Variants in LINGO2 observed in about 807,000 individuals in gnomAD.
The protein encoded by LINGO2 is leucine rich repeat and Ig domain containing 2, also known as leucine-rich repeat and immunoglobulin-like domain-containing nogo receptor-interacting protein 2.
A neutral mutation model predicts 30.6 loss-of-function variants in LINGO2; 14 were observed. That is an observed-to-expected ratio of 0.46 (90% confidence interval 0.30 to 0.72). The LOEUF is 0.72. Ranked by LOEUF, LINGO2 falls within the 30% of genes least tolerant of loss-of-function variation. LINGO2 has a pLI of 0.07. For synonymous variants in LINGO2, 317 were observed against 288.5 expected, an observed-to-expected ratio of 1.10 and a Z score of -1.00; for missense variants, 729 against 751.7, an observed-to-expected ratio of 0.97 and a Z score of 0.35.
At chr9:28,380,519 C>G (rs751859666) in intron 2 of LINGO2, among the ~76,000 whole-genome samples, 6 of 151,244 alleles carry the variant, frequency 4.0e-5, no homozygotes, top group African/African-American at 1.2e-4. Flanking sequence ...ACAGAAGAGT[C>G]AAGTTCAGTG....
At chr9:28,290,537 G>A (rs1410269858) in intron 4 of LINGO2, among the ~76,000 whole-genome samples, 2 of 152,288 alleles carry the variant, frequency 1.3e-5, no homozygotes, top group African/African-American at 2.4e-5. Flanking sequence ...AAGGAAGAAG[G>A]CTTTAATTGG....
the LINGO2 span, among the ~76,000 whole-genome samples, chr9:29,102,036 A>C: frequency 6.6e-6 from 1 of 152,156 alleles, no homozygotes; most frequent in African/African-American, 2.4e-5. Flanking sequence ...TTCAGAGATA[A>C]AACTATCACA....
the LINGO2 span, among the ~76,000 whole-genome samples, chr9:28,759,013 T>A: frequency 6.6e-6 from 1 of 152,106 alleles, no homozygotes; most frequent in Non-Finnish European, 1.5e-5. Flanking sequence ...AACCTTTCAT[T>A]TATTTAAAGA....
At chr9:28,136,772 CAT>C (rs1563995536) in intron 4 of LINGO2, among the ~76,000 whole-genome samples, 1 of 152,124 alleles carries the variant, frequency 6.6e-6, no homozygotes, top group Non-Finnish European at 1.5e-5. Context: ...CTCAGATAAA[CAT>C]ATGGTTAAGC....
At chr9:28,496,348 A>G (rs994181829) in intron 1 of LINGO2, among the ~76,000 whole-genome samples, 1 of 152,136 alleles carries the variant, frequency 6.6e-6, no homozygotes, top group South Asian at 2.1e-4. Flanking sequence ...GTGCTCCCGT[A>G]TTGGGTGCAT....
intron 4 of LINGO2, among the ~76,000 whole-genome samples, chr9:28,133,262 A>G (rs1306993626): frequency 6.6e-6 from 1 of 152,218 alleles, no homozygotes; most frequent in African/African-American, 2.4e-5. Flanking sequence ...CATGAATAAT[A>G]TATTACATAT....
At chr9:29,111,617 C>A in the LINGO2 span, among the ~76,000 whole-genome samples, 3 of 151,702 alleles carry the variant, frequency 2.0e-5, no homozygotes, top group Non-Finnish European at 2.9e-5. Context: ...CACAAAATAA[C>A]ATATGTGGCC....
chr9:29,007,525 C>A, the LINGO2 span, among the ~76,000 whole-genome samples: 1 of 152,094 alleles, frequency 6.6e-6, no homozygotes, highest in Admixed American at 6.6e-5. Flanking sequence ...ACTCTCCTTG[C>A]CTCATTTCCA....
At chr9:28,643,372 C>G (rs551295793) in intron 1 of LINGO2, among the ~76,000 whole-genome samples, 1 of 151,880 alleles carries the variant, frequency 6.6e-6, no homozygotes, top group Admixed American at 6.6e-5. Flanking sequence ...ATAGAAGACC[C>G]CAGAAACAAA....
chr9:28,466,905 T>C (rs1205358251), intron 2 of LINGO2, among the ~76,000 whole-genome samples: 1 of 152,130 alleles, frequency 6.6e-6, no homozygotes, highest in Non-Finnish European at 1.5e-5. Flanking sequence ...TGTTACAAAC[T>C]GGTTAAAAAT....
At position 28,184,311 on chromosome 9, in the gene LINGO2, C is replaced by G. The variant is rs1587162407; in HGVS notation, c.-87+110897G>C. 4.6e-5 allele frequency among the ~76,000 whole-genome samples: 7 copies of G among 152,212 alleles called. 1 individual carries two copies. In the South Asian group the frequency reaches 1.5e-3, roughly 32 times the overall value. ...TCTTTTGAAAATAAAGAAGTGGTAC[C>G]CATTCTCTTAAGTACCTTGCTAGAG... On this transcript the variant is annotated intron_variant, in intron 4 of 5. Transcript: ENST00000379992.
intron 4 of LINGO2, among the ~76,000 whole-genome samples, chr9:28,106,219 A>G (rs537267520): frequency 6.6e-6 from 1 of 152,218 alleles, no homozygotes; most frequent in East Asian, 1.9e-4. Flanking sequence ...GGTGCCAAAA[A>G]GATTGGGGAC....
chr9:28,985,725 CTA>C, the LINGO2 span, among the ~76,000 whole-genome samples: 1 of 151,850 alleles, frequency 6.6e-6, no homozygotes, highest in African/African-American at 2.4e-5. Flanking sequence ...TATTTTCTCG[CTA>C]TTGAATTGTT....
At chr9:28,625,655 A>AT (rs796241629) in intron 1 of LINGO2, among the ~76,000 whole-genome samples, 1 of 151,940 alleles carries the variant, frequency 6.6e-6, no homozygotes, top group Admixed American at 6.6e-5. Context: ...AGGTATGCCC[A>AT]TTTTTTTCCT....
chr9:28,984,862 T>C, the LINGO2 span, among the ~76,000 whole-genome samples: 1 of 152,114 alleles, frequency 6.6e-6, no homozygotes, highest in East Asian at 1.9e-4. Context: ...TTATTATTTT[T>C]GTAGTGAGAA....
At chr9:27,996,710 T>G (rs569974917) in intron 5 of LINGO2, among the ~76,000 whole-genome samples, 123 of 152,312 alleles carry the variant, frequency 8.1e-4, no homozygotes, top group Middle Eastern at 3.4e-3. Flanking sequence ...AGGGCAACTA[T>G]AGCTAACAGT....
chr9:28,873,391 G>C, the LINGO2 span, among the ~76,000 whole-genome samples: 2 of 123,106 alleles, frequency 1.6e-5, no homozygotes, highest in Admixed American at 8.5e-5. Context: ...AAAAAAAAAA[G>C]AAAAAAAAAA....
chr9:28,640,002 G>T lies in LINGO2; in HGVS notation c.-365+30198C>A, dbSNP rs555834188. Among the ~76,000 whole-genome samples, 1,403 of 152,158 alleles carry T rather than the reference G, an allele frequency of 9.2e-3. 19 individuals are homozygous for T. The highest frequency in any genetic ancestry group is 0.032 in the African/African-American group (1,346 of 41,526). ...TTTAGTGCTTCCTTCAGGAGCTCTT[G>T]TAGGGCAGGCCTGGTGGTGACAAAA... is the stretch of plus-strand genomic sequence containing the variant. On this transcript the variant is annotated intron_variant, in intron 1 of 5. Transcript: ENST00000379992.
At chr9:28,907,227 A>G in the LINGO2 span, among the ~76,000 whole-genome samples, 2 of 152,064 alleles carry the variant, frequency 1.3e-5, no homozygotes, top group Middle Eastern at 3.4e-3. Flanking sequence ...AAATAGACGA[A>G]ATGGCAATGT....
Sources: allele counts gnomAD v4.1 joint callset (sites outside exome capture counted in the v4.1 genomes callset), GRCh38; gene constraint gnomAD v4.1.1; transcripts MANE v1.5; gene names NCBI Gene and HGNC (gene_info 2026-07-23, HGNC 2026-07-21).